Variants in RAP1GAP2 observed in about 807,000 individuals in gnomAD.
The protein encoded by RAP1GAP2 is rap1 GTPase-activating protein 2.
RAP1GAP2 carries 27 observed loss-of-function variants against 95.0 expected under a neutral mutation model. That is an observed-to-expected ratio of 0.28 (90% CI 0.21 to 0.39). The LOEUF (loss-of-function observed/expected upper bound fraction) is 0.39, where lower values mean the gene tolerates loss of function less well. Among genes scored for constraint, RAP1GAP2 ranks in the 10% least tolerant of loss-of-function variants. The probability of loss-of-function intolerance (pLI) is 1.00; values close to 1 mark genes in which losing one functional copy is unlikely to be tolerated. For synonymous variants in RAP1GAP2, 373 were observed against 380.9 expected, an observed-to-expected ratio of 0.98 and a Z score of 0.24; for missense variants, 771 against 970.0, an observed-to-expected ratio of 0.79 and a Z score of 2.72.
chr17:2,787,014 G>A (rs2068798392), intron 1 of RAP1GAP2, among the ~76,000 whole-genome samples: 1 of 139,044 alleles, frequency 7.2e-6, no homozygotes, highest in Non-Finnish European at 1.5e-5. Flanking sequence ...GCAGGGGCGC[G>A]ATCTCTGCTC....
chr17:2,962,091 A>G (rs2044359945), intron 4 of RAP1GAP2, among the ~76,000 whole-genome samples: 2 of 152,030 alleles, frequency 1.3e-5, no homozygotes, highest in Admixed American at 1.3e-4. Flanking sequence ...TAGTAGAGAC[A>G]GGGTTTCTCC....
upstream of RAP1GAP2, among the ~76,000 whole-genome samples, chr17:2,772,279 A>G (rs1010831971): frequency 6.6e-6 from 1 of 151,950 alleles, no homozygotes; most frequent in African/African-American, 2.4e-5. Flanking sequence ...TGAACACAAT[A>G]GTTTCTAATT....
chr17:2,833,949 C>T (rs900384287), intron 2 of RAP1GAP2, among the ~76,000 whole-genome samples: 2 of 152,084 alleles, frequency 1.3e-5, no homozygotes, highest in African/African-American at 2.4e-5. Flanking sequence ...ATTTCCAGCC[C>T]TCTGAGCAGC....
chr17:2,988,594 A>G (rs1433113387), intron 11 of RAP1GAP2, among the ~76,000 whole-genome samples: 1 of 152,202 alleles, frequency 6.6e-6, no homozygotes, highest in Non-Finnish European at 1.5e-5. Flanking sequence ...TTATAACTGT[A>G]CCACAGTTTG....
intron 8 of RAP1GAP2, among the ~76,000 whole-genome samples, chr17:2,977,526 C>T (rs1243945658): frequency 6.6e-6 from 1 of 152,054 alleles, no homozygotes; most frequent in African/African-American, 2.4e-5. Flanking sequence ...GGGTGGATCA[C>T]TTGAGGTCAG....
chr17:3,009,457 T>G (rs2046440247), intron 17 of RAP1GAP2, among the ~76,000 whole-genome samples: 1 of 152,194 alleles, frequency 6.6e-6, no homozygotes, highest in East Asian at 1.9e-4. Context: ...AAACCAAGCC[T>G]CAAAGAGACA....
rs138823970 is a variant in RAP1GAP2, at chr17:2,825,312, T to G, written c.80+24762T>G. Among the ~76,000 whole-genome samples, 1 of 152,202 alleles carries G rather than the reference T, an allele frequency of 6.6e-6. No individual in the cohort carries two copies. The highest frequency in any genetic ancestry group is 1.5e-5 in the Non-Finnish European group (1 of 68,006). On this transcript the variant is annotated intron_variant, in intron 2 of 24. Transcript: ENST00000254695. This position sits in a 1 kb window ranked among gnomAD's most constrained non-coding sequence, Gnocchi z 4.1. ...CGCAGGGTTGTTTTTGGCTCATGAT[T>G]TGGGCAAGAGGAGGGAGAAGGGAAG... is the stretch of plus-strand genomic sequence containing the variant.
rs1330536013 is a variant in RAP1GAP2, at chr17:2,867,708, A to C, written c.81-37576A>C. On this transcript the variant is annotated intron_variant, in intron 2 of 24. Coordinates refer to ENST00000254695, the MANE Select transcript of RAP1GAP2 (RefSeq NM_015085.5). The surrounding 1 kb of genome is among the most constrained non-coding windows in gnomAD (Gnocchi z 4.5). Reference sequence around the variant, plus strand: ...TAGGAGGGATGGGTCACCTAAGGAAACCTGGCATGTTGCTCTCAGAAGCTC... The same window carrying C: ...TAGGAGGGATGGGTCACCTAAGGAACCCTGGCATGTTGCTCTCAGAAGCTC... Among the ~76,000 whole-genome samples, 1 of 152,096 alleles carries C rather than the reference A, an allele frequency of 6.6e-6. No individual in the cohort carries two copies. Among genetic ancestry groups the C allele is most frequent in the Non-Finnish European group, 1.5e-5 (1 of 68,020 alleles).
chr17:2,854,177 C>A (rs1175649458), intron 2 of RAP1GAP2: 1 of 978,498 alleles, frequency 1.0e-6, no homozygotes. Flanking sequence ...TGGACTTTTC[C>A]GATGGGTGTT....
intron 17 of RAP1GAP2, among the ~76,000 whole-genome samples, chr17:3,013,994 C>T (rs1392652325): frequency 6.6e-6 from 1 of 152,136 alleles, no homozygotes; most frequent in Non-Finnish European, 1.5e-5. Context: ...GGGAGGAATA[C>T]AATCACGTGT....
upstream of RAP1GAP2, among the ~76,000 whole-genome samples, chr17:2,774,906 C>T (rs550181725): frequency 3.3e-4 from 50 of 151,440 alleles, no homozygotes; most frequent in African/African-American, 1.2e-3. Context: ...CTGCAACCTC[C>T]GCCTCCCAGA....
intron 3 of RAP1GAP2, among the ~76,000 whole-genome samples, chr17:2,943,023 C>T (rs947052403): frequency 5.9e-5 from 9 of 152,066 alleles, no homozygotes; most frequent in African/African-American, 2.2e-4. Context: ...CCCGCCTTGG[C>T]CACCCAAAGT....
At chr17:2,775,078 C>T (rs1015128487), upstream of RAP1GAP2, among the ~76,000 whole-genome samples, 2 of 151,408 alleles carry the variant, frequency 1.3e-5, no homozygotes, top group African/African-American at 2.4e-5. Context: ...ATGATCCACC[C>T]GCCTCAGCCT....
rs76749502 is a variant in RAP1GAP2, at chr17:2,832,765, C to T, written c.80+32215C>T. 1.7e-3 allele frequency among the ~76,000 whole-genome samples: 257 copies of T among 151,882 alleles called. 1 individual carries two copies. The highest frequency in any genetic ancestry group is 0.011 in the East Asian group (56 of 5,116). Reference sequence around the variant, plus strand: ...GCCGAGGCGGGCGATGGCTCGAGGTCAGGAATTCGAGTCCAGCCTGGCCAA... The same window carrying T: ...GCCGAGGCGGGCGATGGCTCGAGGTTAGGAATTCGAGTCCAGCCTGGCCAA... On this transcript the variant is annotated intron_variant, in intron 2 of 24. Transcript: ENST00000254695.
rs114482045 is a variant in RAP1GAP2, at chr17:2,904,613, C to G, written c.81-671C>G. Among the ~76,000 whole-genome samples, 1,912 of 146,272 alleles carry G rather than the reference C, an allele frequency of 0.013. 50 individuals carry two copies. The highest frequency in any genetic ancestry group is 0.044 in the African/African-American group (1,787 of 40,282). On this transcript the variant is annotated intron_variant, in intron 2 of 24. Transcript: ENST00000254695. The surrounding 1 kb of genome is among the most constrained non-coding windows in gnomAD (Gnocchi z 4.7). ...GGGAGAATGAATCCGCGTTTCTCCC[C>G]TCCTCTTCTCACACCCAGCCCCAGT...
intron 2 of RAP1GAP2, among the ~76,000 whole-genome samples, chr17:2,898,817 C>T (rs1438998439): frequency 1.3e-5 from 2 of 151,578 alleles, no homozygotes. Flanking sequence ...CTGGGCCTTC[C>T]TCATAACGCC....
At chr17:2,960,066 A>G (rs1161054075) in intron 4 of RAP1GAP2, among the ~76,000 whole-genome samples, 2 of 141,246 alleles carry the variant, frequency 1.4e-5, no homozygotes, top group Non-Finnish European at 3.0e-5. Context: ...TGGAGGCTGC[A>G]GTGAGCCGAG....
At chr17:2,982,271 T>G (rs754368945) in intron 10 of RAP1GAP2, among the ~76,000 whole-genome samples, 1 of 152,198 alleles carries the variant, frequency 6.6e-6, no homozygotes, top group Non-Finnish European at 1.5e-5. Flanking sequence ...CCCAAGTAGC[T>G]GGGACTACAG....
At chr17:2,805,729 CT>C (rs1383560545) in intron 2 of RAP1GAP2, among the ~76,000 whole-genome samples, 1 of 147,342 alleles carries the variant, frequency 6.8e-6, no homozygotes, top group Non-Finnish European at 1.5e-5. Context: ...ACCCCTGCAT[CT>C]TTGCTAAAGA....
Sources: gnomAD v4.1 joint callset for allele counts (sites outside exome capture counted in the v4.1 genomes callset) on GRCh38, gnomAD v4.1.1 for gene constraint, Gnocchi (gnomAD v3.1) non-coding constraint, MANE v1.5 for transcripts, NCBI Gene and HGNC (gene_info 2026-07-23, HGNC 2026-07-21) for gene names.